ATF2: variants seen among roughly 807,000 people sequenced by gnomAD.
ATF2 encodes cyclic AMP-dependent transcription factor ATF-2.
ATF2 carries 24 observed loss-of-function variants against 60.6 expected under a neutral mutation model. The ratio of observed to expected loss-of-function variants is 0.40; its 90% confidence interval spans 0.29 to 0.56. The LOEUF (loss-of-function observed/expected upper bound fraction) is 0.56, where lower values mean the gene tolerates loss of function less well. ATF2 is among the 20% of genes least tolerant of loss of function. The pLI is 0.54. For missense variants in ATF2, 433 were observed against 607.7 expected, an observed-to-expected ratio of 0.71 and a Z score of 3.02; for synonymous variants, 206 against 215.4, an observed-to-expected ratio of 0.96 and a Z score of 0.38.
intron 1 of ATF2, among the ~76,000 whole-genome samples, chr2:175,158,273 G>GT (rs1264680327): frequency 7.6e-6 from 1 of 132,158 alleles, no homozygotes; most frequent in Non-Finnish European, 1.6e-5. Flanking sequence ...GTCTTGCTCT[G>GT]TAAGTACAGT....
intron 4 of ATF2, among the ~76,000 whole-genome samples, chr2:175,125,368 T>A (rs1310090840): frequency 1.3e-5 from 2 of 152,056 alleles, no homozygotes; most frequent in African/African-American, 2.4e-5. Context: ...TTTTGATCAG[T>A]AATACTTGCA....
At chr2:175,106,297 G>A (rs112560848) in intron 10 of ATF2, among the ~76,000 whole-genome samples, 14,301 of 152,146 alleles carry the variant, frequency 0.094, 781 homozygotes, top group African/African-American at 0.16. Context: ...TTGGGAAGCC[G>A]AGGCAGGTGG....
chr2:175,086,180 A>G (rs1694154755), intron 12 of ATF2, among the ~76,000 whole-genome samples: 1 of 152,182 alleles, frequency 6.6e-6, no homozygotes, highest in African/African-American at 2.4e-5. Flanking sequence ...CCTAATGATG[A>G]TTCTGAAGCT....
intron 5 of ATF2, among the ~76,000 whole-genome samples, chr2:175,119,293 C>T (rs974628122): frequency 6.6e-6 from 1 of 151,406 alleles, no homozygotes; most frequent in Admixed American, 6.6e-5. Context: ...TTTTAGAGCA[C>T]CAATTTTACA....
chr2:175,160,658 A>C (rs1455223100), intron 1 of ATF2, among the ~76,000 whole-genome samples: 2 of 152,230 alleles, frequency 1.3e-5, no homozygotes, highest in Non-Finnish European at 2.9e-5. Context: ...CAACTTTAGA[A>C]CTGTGGTATT....
chr2:175,096,936 T>C (rs960547384), intron 11 of ATF2, among the ~76,000 whole-genome samples: 2 of 152,224 alleles, frequency 1.3e-5, no homozygotes, highest in Non-Finnish European at 1.5e-5. Context: ...AACCTGTTTA[T>C]GCCACAGCAA....
At chr2:175,108,537 G>A (rs1288864396) in intron 10 of ATF2, among the ~76,000 whole-genome samples, 3 of 147,248 alleles carry the variant, frequency 2.0e-5, no homozygotes, top group African/African-American at 7.5e-5. Context: ...CCGGCCAGCC[G>A]CCCCATCCGG....
chr2:175,089,138 C>T (rs767446170), intron 12 of ATF2, among the ~76,000 whole-genome samples: 6 of 151,772 alleles, frequency 4.0e-5, no homozygotes, highest in Admixed American at 1.3e-4. Flanking sequence ...TGAGATTGCG[C>T]CATTGCACTC....
chr2:175,097,361 A>G (rs983686770), intron 11 of ATF2, 83 bp downstream of exon 11: 13 of 1,532,850 alleles, frequency 8.5e-6, no homozygotes, highest in Middle Eastern at 1.7e-4. Context: ...CCAGAGTAAT[A>G]TTTTTTAAAT....
chr2:175,151,092 C>T lies in ATF2; in HGVS notation c.-76G>A, dbSNP rs1194668324. ...GCTGGTGGGCCATGAGCTTTATTTA[C>T]TCTGCTTCCAGGAATACCTTAGCTG... is the stretch of plus-strand genomic sequence containing the variant. On this transcript the variant is annotated 5_prime_UTR_variant, in exon 2 of 14. Coordinates refer to ENST00000264110, the MANE Select transcript of ATF2 (RefSeq NM_001880.4). 1 of 152,492 alleles carries T rather than the reference C, an allele frequency of 6.6e-6. No homozygotes were observed. The highest frequency in any genetic ancestry group is 6.6e-5 in the Admixed American group (1 of 15,252). The allele number at this position is 152,492 out of a possible 1,614,324, so 9.4% of individuals were successfully genotyped here.
intron 10 of ATF2, among the ~76,000 whole-genome samples, chr2:175,100,894 C>A (rs1225789237): frequency 1.3e-5 from 2 of 152,186 alleles, no homozygotes; most frequent in Non-Finnish European, 2.9e-5. Context: ...ATAAATGACC[C>A]TGTCTCCTTT....
intron 1 of ATF2, among the ~76,000 whole-genome samples, chr2:175,151,999 A>T (rs998208211): frequency 1.3e-5 from 2 of 152,204 alleles, no homozygotes; most frequent in African/African-American, 2.4e-5. Context: ...CATGGCTTAG[A>T]ACTTAATCAT....
In ATF2 at chr2:175,109,946, C is replaced by T. The variant is rs3911920; in HGVS notation, c.828+1622G>A. On this transcript the variant is annotated intron_variant, in intron 10 of 13. Transcript: ENST00000264110. Reference sequence around the variant, plus strand: ...CCTAATTTTTATACTCTTCAACCAACTGCTGTTCATTCAGATAATATGTAA... The same window carrying T: ...CCTAATTTTTATACTCTTCAACCAATTGCTGTTCATTCAGATAATATGTAA... Among the ~76,000 whole-genome samples, 768 of 152,348 alleles carry T rather than the reference C, an allele frequency of 5.0e-3. 4 individuals carry two copies. The highest frequency in any genetic ancestry group is 0.017 in the African/African-American group (721 of 41,576).
At chr2:175,108,979 T>C (rs566728330) in intron 10 of ATF2, among the ~76,000 whole-genome samples, 41 of 152,042 alleles carry the variant, frequency 2.7e-4, no homozygotes, top group Non-Finnish European at 4.7e-4. Context: ...GGCAGCATGC[T>C]CGTTAAGAGT....
intron 4 of ATF2, among the ~76,000 whole-genome samples, chr2:175,128,049 A>C (rs1008848296): frequency 6.6e-6 from 1 of 152,214 alleles, no homozygotes; most frequent in Non-Finnish European, 1.5e-5. Flanking sequence ...ATAAAAGTTG[A>C]CAGAGTGATG....
At position 175,093,197 on chromosome 2, in the gene ATF2, T is replaced by G; in HGVS notation, c.1049A>C (p.Asp350Ala). Reference protein sequence around the residue: ...SGRRRRAANEDPDEKRRKFLE... With the variant: ...SGRRRRAANEAPDEKRRKFLE... The stretch of plus-strand genomic sequence containing the variant: ...AAACTTTCTCCTTTTTTCATCAGGA[T>G]CTTCGTTAGCTGCTCTTCTCCGACG... The change falls in exon 12 of 14, where the codon GAT becomes GCT. Residue 350 changes from aspartate (D) to alanine (A), a missense_variant. By Grantham distance (126) the Asp-to-Ala change is moderately radical. Coordinates refer to ENST00000264110, the MANE Select transcript of ATF2 (RefSeq NM_001880.4). The G allele has an allele frequency of 6.2e-7, 1 of 1,614,152 alleles. No individual in the cohort carries two copies. Among genetic ancestry groups the G allele is most frequent in the South Asian group, 1.1e-5 (1 of 91,082 alleles).
chr2:175,081,639 A>C (rs767549626), intron 12 of ATF2, among the ~76,000 whole-genome samples: 13 of 152,218 alleles, frequency 8.5e-5, no homozygotes, highest in Non-Finnish European at 1.6e-4. Flanking sequence ...AGTAACTATA[A>C]CCATTCAGAT....
At chr2:175,136,863 T>G (rs1413261844) in intron 2 of ATF2, among the ~76,000 whole-genome samples, 1 of 152,182 alleles carries the variant, frequency 6.6e-6, no homozygotes, top group Non-Finnish European at 1.5e-5. Context: ...TTAAAAAATG[T>G]ACTTACTGAT....
intron 13 of ATF2, among the ~76,000 whole-genome samples, chr2:175,078,732 T>C (rs1693551089): frequency 6.6e-6 from 1 of 152,232 alleles, no homozygotes; most frequent in South Asian, 2.1e-4. Context: ...AAGAGCTGTG[T>C]GCTACAACAT....
Sources: gnomAD v4.1 joint callset for allele counts (sites outside exome capture counted in the v4.1 genomes callset) on GRCh38, gnomAD v4.1.1 for gene constraint, MANE v1.5 for transcripts, NCBI Gene and HGNC (gene_info 2026-07-23, HGNC 2026-07-21) for gene names.